Variants in CSGALNACT1 observed in about 807,000 individuals in gnomAD.
The protein encoded by CSGALNACT1 is chondroitin sulfate N-acetylgalactosaminyltransferase 1, also known as beta4GalNAcT-1.
A neutral mutation model predicts 51.0 loss-of-function variants in CSGALNACT1; 52 were observed. The observed-to-expected ratio is 1.02, with a 90% confidence interval of 0.82 to 1.29. The LOEUF (loss-of-function observed/expected upper bound fraction) is 1.29, where lower values mean the gene tolerates loss of function less well. CSGALNACT1 is among the 50% of genes most tolerant of loss of function. The pLI, the probability that CSGALNACT1 is intolerant of heterozygous loss-of-function variation, is 0.00. For synonymous variants in CSGALNACT1, 341 were observed against 254.4 expected (o/e 1.34, Z -3.24); for missense variants, 935 against 679.2 (o/e 1.38, Z -4.19).
intron 4 of CSGALNACT1, among the ~76,000 whole-genome samples, chr8:19,489,548 C>A (rs4339658): frequency 6.6e-6 from 1 of 151,876 alleles, no homozygotes; most frequent in African/African-American, 2.4e-5. Flanking sequence ...ATTTAATCAA[C>A]GTTTATGTAC....
At chr8:19,463,437 A>T (rs1403154967) in intron 4 of CSGALNACT1, among the ~76,000 whole-genome samples, 1 of 152,148 alleles carries the variant, frequency 6.6e-6, no homozygotes, top group Non-Finnish European at 1.5e-5. Context: ...GACGACACCT[A>T]AAAAAATCCT....
At chr8:19,743,924 T>C (rs144982917) in intron 1 of CSGALNACT1, among the ~76,000 whole-genome samples, 1 of 152,254 alleles carries the variant, frequency 6.6e-6, no homozygotes, top group Non-Finnish European at 1.5e-5. Context: ...TCATCAAATT[T>C]TTATGCAATA....
chr8:19,628,654 T>TA (rs1491358764), intron 1 of CSGALNACT1, among the ~76,000 whole-genome samples: 13 of 132,752 alleles, frequency 9.8e-5, no homozygotes, highest in African/African-American at 3.4e-4. Flanking sequence ...ATCAATAGGC[T>TA]TTTTTTTTTT....
intron 1 of CSGALNACT1, among the ~76,000 whole-genome samples, chr8:19,727,352 G>A (rs1360602576): frequency 1.3e-5 from 2 of 151,944 alleles, no homozygotes; most frequent in Non-Finnish European, 2.9e-5. Flanking sequence ...GTTTGGTTTG[G>A]TTTGGTTTGG....
intron 3 of CSGALNACT1, among the ~76,000 whole-genome samples, chr8:19,589,594 G>C (rs765322065): frequency 6.6e-6 from 1 of 152,180 alleles, no homozygotes; most frequent in Non-Finnish European, 1.5e-5. Context: ...GCCTCCAAAA[G>C]TGCTGGGATT....
At chr8:19,599,232 A>G (rs2049691295) in intron 2 of CSGALNACT1, among the ~76,000 whole-genome samples, 1 of 151,964 alleles carries the variant, frequency 6.6e-6, no homozygotes, top group Admixed American at 6.6e-5. Context: ...CTTTTCTTTG[A>G]TAGGAGGAAA....
chr8:19,442,726 A>AT, intron 5 of CSGALNACT1, among the ~76,000 whole-genome samples: 1 of 151,942 alleles, frequency 6.6e-6, no homozygotes, highest in Middle Eastern at 3.4e-3. Context: ...TAAAAAAAAA[A>AT]AAAGACTATG....
chr8:19,435,927 A>G (rs2060303385), intron 6 of CSGALNACT1, among the ~76,000 whole-genome samples: 1 of 152,192 alleles, frequency 6.6e-6, no homozygotes, highest in South Asian at 2.1e-4. Context: ...TCATGAAAGA[A>G]TATTTATCCT....
chr8:19,431,583 G>T (rs2059656212), intron 6 of CSGALNACT1, among the ~76,000 whole-genome samples: 1 of 151,766 alleles, frequency 6.6e-6, no homozygotes, highest in South Asian at 2.1e-4. Context: ...TTTGTTGAGG[G>T]TTTTGCATTT....
chr8:19,547,474 G>A (rs1329039075), intron 3 of CSGALNACT1, among the ~76,000 whole-genome samples: 4 of 152,042 alleles, frequency 2.6e-5, no homozygotes, highest in Non-Finnish European at 4.4e-5. Context: ...TCATGGTAAT[G>A]AATAAGTCTC....
chr8:19,714,669 A>C (rs560623116), intron 1 of CSGALNACT1, among the ~76,000 whole-genome samples: 7 of 151,880 alleles, frequency 4.6e-5, no homozygotes, highest in African/African-American at 1.4e-4. Context: ...TATTAATCAT[A>C]GTTATTTTAA....
rs567321052 is a variant in CSGALNACT1 at position 19,567,795 on chromosome 8, A to G, written c.-297+23365T>C. Among the ~76,000 whole-genome samples the G allele has an allele frequency of 2.0e-5, 3 of 152,362 alleles. No homozygotes were observed. The South Asian group carries it at 6.2e-4, about 32-fold the overall frequency. ...TATCAGAATTAATAAGAGTTTAACA[A>G]CGTTGTTAGATGTAAAACACAATGT... On this transcript the variant is annotated intron_variant, in intron 3 of 9. Transcript: ENST00000454498.
chr8:19,409,865 C>T (rs1353804959), intron 8 of CSGALNACT1, among the ~76,000 whole-genome samples: 5 of 152,088 alleles, frequency 3.3e-5, no homozygotes, highest in Non-Finnish European at 7.4e-5. Flanking sequence ...CTTCATGCAT[C>T]TATTTTTTTT....
chr8:19,635,628 G>A (rs1481295787), intron 1 of CSGALNACT1, among the ~76,000 whole-genome samples: 1 of 152,038 alleles, frequency 6.6e-6, no homozygotes, highest in Non-Finnish European at 1.5e-5. Context: ...CACTTTTTCG[G>A]CATATTGAGG....
At chr8:19,563,594 A>G (rs1020423664) in intron 3 of CSGALNACT1, among the ~76,000 whole-genome samples, 3 of 152,096 alleles carry the variant, frequency 2.0e-5, no homozygotes, top group Non-Finnish European at 4.4e-5. Context: ...CCGCTCTTGA[A>G]TATGCCTGCT....
At chr8:19,458,389 C>CA in intron 5 of CSGALNACT1, 37 bp downstream of exon 4, 1 of 1,493,902 alleles carries the variant, frequency 6.7e-7, no homozygotes, top group South Asian at 1.1e-5. Context: ...TAACACACAT[C>CA]ATGCGGAGGA....
At chr8:19,754,219 G>T (rs946055419) in intron 1 of CSGALNACT1, among the ~76,000 whole-genome samples, 1 of 152,066 alleles carries the variant, frequency 6.6e-6, no homozygotes, top group African/African-American at 2.4e-5. Context: ...GTAGAGGTGG[G>T]GTTTCGCCCT....
At chr8:19,545,212 T>A (rs1295971661) in intron 3 of CSGALNACT1, among the ~76,000 whole-genome samples, 1 of 152,200 alleles carries the variant, frequency 6.6e-6, no homozygotes, top group Non-Finnish European at 1.5e-5. Context: ...TTCATAGCAG[T>A]TAGGTGGCTG....
intron 3 of CSGALNACT1, among the ~76,000 whole-genome samples, chr8:19,563,417 T>C (rs1291712811): frequency 6.6e-6 from 1 of 152,146 alleles, no homozygotes; most frequent in African/African-American, 2.4e-5. Context: ...CCTGCACGTG[T>C]AACCTGGAAC....
Sources: allele counts gnomAD v4.1 joint callset (sites outside exome capture counted in the v4.1 genomes callset), GRCh38; gene constraint gnomAD v4.1.1; transcripts MANE v1.5; gene names NCBI Gene and HGNC (gene_info 2026-07-23, HGNC 2026-07-21).